RNF38: variants seen among roughly 807,000 people sequenced by gnomAD.
The protein encoded by RNF38 is ring finger protein 38.
Under a neutral mutation model 67.2 loss-of-function variants are expected in RNF38, and 15 were observed. The ratio of observed to expected loss-of-function variants is 0.22; its 90% CI spans 0.15 to 0.34. The LOEUF (loss-of-function observed/expected upper bound fraction) is 0.34, where lower values mean the gene tolerates loss of function less well. Ranked by LOEUF, RNF38 falls within the 10% of genes least tolerant of loss-of-function variation. The probability of loss-of-function intolerance (pLI) is 1.00; values close to 1 mark genes in which losing one functional copy is unlikely to be tolerated. For synonymous variants in RNF38, 220 were observed against 218.8 expected (o/e 1.01, Z -0.05); for missense variants, 524 against 639.9 (o/e 0.82, Z 1.95).
chr9:36,353,025 C>T (rs1320741574), intron 7 of RNF38, 145 bp downstream of exon 7: 2 of 798,530 alleles, frequency 2.5e-6, no homozygotes, highest in East Asian at 5.3e-5. Flanking sequence ...ACCATACACT[C>T]AGGTGTATTT....
intron 8 of RNF38, 21 bp from the exon 9 acceptor site, chr9:36,351,220 C>A (rs767757867): frequency 6.4e-7 from 1 of 1,552,952 alleles, no homozygotes; most frequent in African/African-American, 1.4e-5. Context: ...AACAATCACA[C>A]TAGCATTGAT....
chr9:36,487,237 C>T (rs1840439174), intron 1 of RNF38: 9 of 927,770 alleles, frequency 9.7e-6, no homozygotes, highest in Non-Finnish European at 1.2e-5. Flanking sequence ...GCCTGGACCA[C>T]ACGCCTCCGG....
Position 36,352,724 on chromosome 9 carries a change from A to C in RNF38, c.1178+18T>G, listed in dbSNP as rs1833788841. The C allele has an allele frequency of 6.5e-7, 1 of 1,533,450 alleles. No individual in the cohort carries two copies. Among genetic ancestry groups the C allele is most frequent in the South Asian group, 1.1e-5 (1 of 89,290 alleles). The allele number at this position is 1,533,450 out of a possible 1,614,324, so 95.0% of individuals were successfully genotyped here. On this transcript the variant is annotated intron_variant, in intron 8 of 11. Coordinates refer to ENST00000259605, the MANE Select transcript of RNF38 (RefSeq NM_022781.5). ...GAGTTTCAAAATTCAGAAATCATTA[A>C]GATAAGAAAGAACTTACAACACATA...
chr9:36,344,678 A>G (rs1457761431), intron 10 of RNF38, among the ~76,000 whole-genome samples, 154 bp downstream of exon 10: 2 of 152,214 alleles, frequency 1.3e-5, no homozygotes, highest in African/African-American at 4.8e-5. Context: ...TGAAATAAAG[A>G]TAACTTATCT....
chr9:36,391,603 C>T (rs1211135809), intron 1 of RNF38, among the ~76,000 whole-genome samples: 6 of 149,670 alleles, frequency 4.0e-5, no homozygotes, highest in Admixed American at 2.0e-4. Flanking sequence ...ACAAAGGCAT[C>T]GTTTCCTACT....
intron 1 of RNF38, among the ~76,000 whole-genome samples, chr9:36,458,123 G>C (rs377104723): frequency 6.6e-6 from 1 of 152,236 alleles, no homozygotes; most frequent in African/African-American, 2.4e-5. Flanking sequence ...TTGGAATGCA[G>C]AGCCTCAATA....
chr9:36,470,018 C>T (rs1839959057), intron 1 of RNF38, among the ~76,000 whole-genome samples: 1 of 152,030 alleles, frequency 6.6e-6, no homozygotes, highest in Non-Finnish European at 1.5e-5. Flanking sequence ...GCTCAAGAAG[C>T]CAGGATGAGA....
chr9:36,475,574 G>A (rs1043235408), intron 1 of RNF38, among the ~76,000 whole-genome samples: 19 of 151,754 alleles, frequency 1.3e-4, no homozygotes, highest in African/African-American at 4.3e-4. Context: ...GGCCAGGCTG[G>A]TCTCGAACTC....
intron 1 of RNF38, among the ~76,000 whole-genome samples, chr9:36,393,944 C>A (rs1476571947): frequency 6.6e-6 from 1 of 152,116 alleles, no homozygotes; most frequent in African/African-American, 2.4e-5. Context: ...TCACAAGAAC[C>A]ACATTCTACC....
At position 36,356,413 on chromosome 9, in the gene RNF38, T is replaced by C. The variant is rs757578133; in HGVS notation, c.799A>G (p.Ile267Val). ...PVPYAAFPPLISSDPFLIHPP... is the reference protein window; with the variant it reads ...PVPYAAFPPLVSSDPFLIHPP... ...TGTATAAGAAATGGATCACTAGAAA[T>C]AAGGGGTGGGAATGCAGCATATGGT... Residue 267 changes from isoleucine (I) to valine (V), a missense_variant, in exon 6 of 12, where the codon ATT becomes GTT. Coordinates refer to ENST00000259605, the MANE Select transcript of RNF38 (RefSeq NM_022781.5). 2 of 1,613,648 alleles carry C rather than the reference T, an allele frequency of 1.2e-6. No individual in the cohort carries two copies. Among genetic ancestry groups the C allele is most frequent in the Non-Finnish European group, 1.7e-6 (2 of 1,179,878 alleles).
intron 1 of RNF38, among the ~76,000 whole-genome samples, chr9:36,442,650 C>T (rs977951120): frequency 4.6e-5 from 7 of 152,012 alleles, no homozygotes; most frequent in Non-Finnish European, 1.0e-4. Context: ...TGTGGTGGCA[C>T]GCCCTATAGT....
intron 1 of RNF38, among the ~76,000 whole-genome samples, chr9:36,445,327 A>G (rs1839275638): frequency 6.6e-6 from 1 of 152,246 alleles, no homozygotes; most frequent in Non-Finnish European, 1.5e-5. Flanking sequence ...AGAGTCATAC[A>G]AAGTAGATTT....
chr9:36,478,980 T>A (rs1379936106), intron 1 of RNF38, among the ~76,000 whole-genome samples: 2 of 152,208 alleles, frequency 1.3e-5, no homozygotes, highest in African/African-American at 4.8e-5. Context: ...TAAGTTACAA[T>A]TTCAGACTTA....
chr9:36,349,254 A>G (rs1027643229), intron 9 of RNF38, among the ~76,000 whole-genome samples: 8 of 152,246 alleles, frequency 5.3e-5, no homozygotes, highest in Admixed American at 3.3e-4. Flanking sequence ...TCTGCAGCCC[A>G]TGGAATAAAG....
rs1224369092 is a variant in RNF38, at chr9:36,337,450, G to A, written c.*2302C>T. 6.6e-6 allele frequency: 1 copy of A among 152,596 alleles called. No individual in the cohort carries two copies. The highest frequency in any genetic ancestry group is 1.5e-5 in the Non-Finnish European group (1 of 68,004). 9.5% of individuals were successfully genotyped at this position (152,596 alleles called of 1,614,324 possible). ...CATTATAAGAATTCATAGAGGGAGA[G>A]AAGAAAAAGCTGCTACTCCTAGTCA... is the stretch of plus-strand genomic sequence containing the variant. On this transcript the variant is annotated 3_prime_UTR_variant, in exon 12 of 12. Coordinates refer to ENST00000259605, the MANE Select transcript of RNF38 (RefSeq NM_022781.5).
At chr9:36,365,231 TA>T (rs11284064) in intron 4 of RNF38, among the ~76,000 whole-genome samples, 148,871 of 152,140 alleles carry the variant, frequency 0.98, 72,904 homozygotes, top group East Asian at 1. Flanking sequence ...CTAAGAGCCT[TA>T]AAAAAAACGG....
chr9:36,476,009 CAA>C (rs139323204), intron 1 of RNF38, among the ~76,000 whole-genome samples: 130 of 109,424 alleles, frequency 1.2e-3, no homozygotes, highest in East Asian at 2.4e-3. Context: ...ACTCTGTTTC[CAA>C]AAAAAAAAAA....
At chr9:36,369,995 T>TC in intron 3 of RNF38, 63 bp from the exon 4 acceptor site, 1 of 1,351,818 alleles carries the variant, frequency 7.4e-7, no homozygotes, top group South Asian at 1.3e-5. Flanking sequence ...TTCTGTATTG[T>TC]CTTTCTTTGA....
chr9:36,391,332 CTTGA>C (rs1455380871), intron 1 of RNF38, among the ~76,000 whole-genome samples: 2 of 151,998 alleles, frequency 1.3e-5, no homozygotes, highest in Non-Finnish European at 2.9e-5. Context: ...AAATGTTTGA[CTTGA>C]TTATGGGTTA....
Sources: gnomAD v4.1 joint callset for allele counts (sites outside exome capture counted in the v4.1 genomes callset) on GRCh38, gnomAD v4.1.1 for gene constraint, MANE v1.5 for transcripts, NCBI Gene and HGNC (gene_info 2026-07-23, HGNC 2026-07-21) for gene names.